The following KCNQ3 variants were observed in gnomAD, a reference collection of about 807,000 sequenced individuals.
KCNQ3 encodes potassium voltage-gated channel subfamily KQT member 3.
Under a neutral mutation model 92.5 loss-of-function variants are expected in KCNQ3, and 30 were observed. The observed-to-expected ratio is 0.32, with a 90% CI of 0.24 to 0.44. The LOEUF is 0.44. Ranked by LOEUF, KCNQ3 falls within the 20% of genes least tolerant of loss-of-function variation. KCNQ3 has a pLI of 1.00. For missense variants in KCNQ3, 913 were observed against 1,140.3 expected, an observed-to-expected ratio of 0.80 and a Z score of 2.87; for synonymous variants, 450 against 468.8, an observed-to-expected ratio of 0.96 and a Z score of 0.52.
intron 1 of KCNQ3, among the ~76,000 whole-genome samples, chr8:132,305,404 A>G (rs11996426): frequency 0.78 from 118,422 of 152,192 alleles, 46,534 homozygotes; most frequent in East Asian, 0.92. Flanking sequence ...GCATATTAAA[A>G]CCATCTTAGG....
chr8:132,462,832 A>T (rs1251723032), intron 1 of KCNQ3, among the ~76,000 whole-genome samples: 1 of 152,210 alleles, frequency 6.6e-6, no homozygotes, highest in Non-Finnish European at 1.5e-5. Flanking sequence ...AGAAAGAATG[A>T]TTACCATTGT....
In KCNQ3 at chr8:132,383,573, C is replaced by T. The variant is rs375717722; in HGVS notation, c.386+96574G>A. On this transcript the variant is annotated intron_variant, in intron 1 of 14. Coordinates refer to ENST00000388996, the MANE Select transcript of KCNQ3 (RefSeq NM_004519.4). ...CCTTCATATACTTAACAGACCTAGG[C>T]TGAGCCCCAGCGCCATATAACATCA... is the stretch of plus-strand genomic sequence containing the variant. Among the ~76,000 whole-genome samples, 56 of 152,294 alleles carry T rather than the reference C, an allele frequency of 3.7e-4. 1 individual carries two copies. In the South Asian group the frequency reaches 0.011, roughly 31 times the overall value.
chr8:132,396,346 A>C (rs1020826550), intron 1 of KCNQ3, among the ~76,000 whole-genome samples: 8 of 151,984 alleles, frequency 5.3e-5, no homozygotes, highest in African/African-American at 1.9e-4. Flanking sequence ...AATTTACATG[A>C]GAGAAAAACT....
At chr8:132,429,030 G>A (rs1287214256) in intron 1 of KCNQ3, among the ~76,000 whole-genome samples, 1 of 152,146 alleles carries the variant, frequency 6.6e-6, no homozygotes, top group Non-Finnish European at 1.5e-5. Flanking sequence ...ATCAACTAGG[G>A]GAAGACATTG....
rs566508174 is a variant in KCNQ3, at chr8:132,324,398, A to G, written c.387-138217T>C. Among the ~76,000 whole-genome samples the G allele has an allele frequency of 5.9e-5, 9 of 152,310 alleles. No homozygotes were observed. The East Asian group carries it at 1.7e-3, about 29-fold the overall frequency. ...GCACAACATCTAAAACTCAGTAGAT[A>G]TTTGTTAATTGAATTAAGTGAAGAA... On this transcript the variant is annotated intron_variant, in intron 1 of 14. Transcript: ENST00000388996.
chr8:132,230,249 G>A (rs953436519), intron 1 of KCNQ3, among the ~76,000 whole-genome samples: 2 of 152,080 alleles, frequency 1.3e-5, no homozygotes, highest in African/African-American at 4.8e-5. Context: ...GTCCTCATTT[G>A]CAAACTGACA....
At chr8:132,285,398 CTTG>C (rs537680383) in intron 1 of KCNQ3, among the ~76,000 whole-genome samples, 79 of 152,306 alleles carry the variant, frequency 5.2e-4, no homozygotes, top group African/African-American at 1.6e-3. Context: ...TTACTGGGAA[CTTG>C]TTGTATAGCC....
At chr8:132,156,371 G>A (rs934642975) in intron 9 of KCNQ3, among the ~76,000 whole-genome samples, 1 of 152,060 alleles carries the variant, frequency 6.6e-6, no homozygotes, top group African/African-American at 2.4e-5. Flanking sequence ...AGGGAAGCCA[G>A]GTTTTGAAGT....
chr8:132,381,578 T>C (rs1005205007), intron 1 of KCNQ3, among the ~76,000 whole-genome samples: 56 of 152,194 alleles, frequency 3.7e-4, no homozygotes, highest in Admixed American at 2.5e-3. Context: ...AAGGTAACTC[T>C]CCTACCAGCC....
At chr8:132,174,383 C>T (rs1182626258) in intron 5 of KCNQ3, 34 bp from the exon 6 acceptor site, 1 of 1,453,672 alleles carries the variant, frequency 6.9e-7, no homozygotes, top group African/African-American at 1.4e-5. Flanking sequence ...TGGAGTACCA[C>T]ATGGAGAGGA....
rs146505627 is a variant in KCNQ3, at chr8:132,221,178, C to T, written c.387-34997G>A. Among the ~76,000 whole-genome samples the T allele has an allele frequency of 7.2e-5, 11 of 152,220 alleles. No individual in the cohort carries two copies. In the South Asian group the frequency reaches 1.7e-3, roughly 23 times the overall value. ...TTTTTATGGCTGCATAGTATTCCAT[C>T]GTGTATATGTGCCACATTTTCTTAA... is the stretch of plus-strand genomic sequence containing the variant. On this transcript the variant is annotated intron_variant, in intron 1 of 14. Coordinates refer to ENST00000388996, the MANE Select transcript of KCNQ3 (RefSeq NM_004519.4).
intron 1 of KCNQ3, among the ~76,000 whole-genome samples, chr8:132,416,584 T>C (rs1820814786): frequency 6.6e-6 from 1 of 152,100 alleles, no homozygotes. Context: ...ATCGTACAAC[T>C]GCACTCCAGC....
intron 1 of KCNQ3, among the ~76,000 whole-genome samples, chr8:132,310,141 C>T (rs750282076): frequency 6.6e-6 from 1 of 152,168 alleles, no homozygotes; most frequent in Non-Finnish European, 1.5e-5. Flanking sequence ...CCGTGTACCC[C>T]ATATTCAAGG....
rs16904645 is a variant in KCNQ3 at position 132,290,393 on chromosome 8, C to T, written c.387-104212G>A. Among the ~76,000 whole-genome samples, 354 of 152,250 alleles carry T rather than the reference C, an allele frequency of 2.3e-3. 1 individual carries two copies. Among genetic ancestry groups the T allele is most frequent in the African/African-American group, 7.7e-3 (320 of 41,542 alleles). Reference sequence around the variant, plus strand: ...ATGTTGTGCTTCATCTCAAGAACAACGAAACTCACTGAACGTTGGTTTGGA... The same window carrying T: ...ATGTTGTGCTTCATCTCAAGAACAATGAAACTCACTGAACGTTGGTTTGGA... On this transcript the variant is annotated intron_variant, in intron 1 of 14. Transcript: ENST00000388996.
intron 1 of KCNQ3, among the ~76,000 whole-genome samples, chr8:132,345,055 G>A (rs1374599495): frequency 1.3e-5 from 2 of 152,078 alleles, no homozygotes; most frequent in African/African-American, 4.8e-5. Context: ...CTGATCCAGG[G>A]GCATAGATTG....
chr8:132,174,412 C>T, intron 5 of KCNQ3, 63 bp from the exon 6 acceptor site: 1 of 1,239,532 alleles, frequency 8.1e-7, no homozygotes, highest in Non-Finnish European at 1.2e-6. Flanking sequence ...AACGTGTTAA[C>T]TGAGCTCTAC....
intron 1 of KCNQ3, among the ~76,000 whole-genome samples, chr8:132,244,281 T>A (rs907161540): frequency 7.9e-5 from 12 of 151,826 alleles, no homozygotes; most frequent in Non-Finnish European, 1.8e-4. Context: ...TCACTTGCTA[T>A]AAATAGAAGG....
At chr8:132,347,850 G>A (rs1237792965) in intron 1 of KCNQ3, among the ~76,000 whole-genome samples, 1 of 151,840 alleles carries the variant, frequency 6.6e-6, no homozygotes. Context: ...GGTGGTGGGC[G>A]CCTGTAGTCC....
intron 1 of KCNQ3, chr8:132,278,195 C>T (rs1451249886): frequency 1.0e-6 from 1 of 985,080 alleles, no homozygotes; most frequent in Non-Finnish European, 1.2e-6. Context: ...ATTGGTTTCA[C>T]ATAGGATGGT....
Sources: allele counts gnomAD v4.1 joint callset (sites outside exome capture counted in the v4.1 genomes callset), GRCh38; gene constraint gnomAD v4.1.1; transcripts MANE v1.5; gene names NCBI Gene and HGNC (gene_info 2026-07-23, HGNC 2026-07-21).